The following AAMDC variants were observed in gnomAD, a reference collection of about 807,000 sequenced individuals.
The protein encoded by AAMDC is adipogenesis associated Mth938 domain containing.
A neutral mutation model predicts 15.5 loss-of-function variants in AAMDC; 16 were observed. The observed-to-expected ratio is 1.03, with a 90% CI of 0.70 to 1.57. The LOEUF (loss-of-function observed/expected upper bound fraction) is 1.57, where lower values mean the gene tolerates loss of function less well. AAMDC is among the 40% of genes most tolerant of loss of function. The probability of loss-of-function intolerance (pLI) is 0.00; values close to 1 mark genes in which losing one functional copy is unlikely to be tolerated. For missense variants in AAMDC, 141 were observed against 144.9 expected (o/e 0.97, Z 0.14); for synonymous variants, 51 against 51.6 (o/e 0.99, Z 0.05).
At chr11:77,898,337 T>C (rs1306090040) in intron 5 of AAMDC, among the ~76,000 whole-genome samples, 3 of 152,146 alleles carry the variant, frequency 2.0e-5, no homozygotes, top group Non-Finnish European at 2.9e-5. Flanking sequence ...TAATTTTTTG[T>C]ATTTTTAGTA....
downstream of AAMDC, among the ~76,000 whole-genome samples, chr11:77,875,159 G>C (rs1038897728): frequency 6.6e-6 from 1 of 152,156 alleles, no homozygotes; most frequent in East Asian, 1.9e-4. Flanking sequence ...TCAGAAACCT[G>C]AATCTTTTTT....
At chr11:77,821,581 G>A (rs1317567519) in intron 1 of AAMDC, among the ~76,000 whole-genome samples, 1 of 152,116 alleles carries the variant, frequency 6.6e-6, no homozygotes, top group Non-Finnish European at 1.5e-5. Context: ...ACCAGGCTCT[G>A]CTAGGGGGCC....
chr11:77,842,592 T>C lies in AAMDC; in HGVS notation c.96T>C (p.Gly32=), dbSNP rs585721. 628,046 of 1,613,210 alleles carry C rather than the reference T, an allele frequency of 0.39. 123,830 individuals carry two copies. Among genetic ancestry groups the C allele is most frequent in the African/African-American group, 0.53 (39,557 of 74,868 alleles). The change falls in exon 2 of 4, where the codon GGT becomes GGC. Residue 32 remains glycine, a synonymous_variant. Coordinates refer to ENST00000393427, the MANE Select transcript of AAMDC (RefSeq NM_024684.4). ...TYKDCKVWPG[G]SRTWDWRETG... ...AGGACTGCAAAGTATGGCCAGGGGGTAGTCGGACTTGGGATTGGAGAGAAA... is the reference window on the plus strand; with the variant it reads ...AGGACTGCAAAGTATGGCCAGGGGGCAGTCGGACTTGGGATTGGAGAGAAA...
chr11:77,836,678 C>T (rs1034019959), intron 1 of AAMDC, among the ~76,000 whole-genome samples: 3 of 152,196 alleles, frequency 2.0e-5, no homozygotes, highest in African/African-American at 7.2e-5. Context: ...TAAGAAGTTA[C>T]CCTGTGGCCG....
chr11:77,840,097 AACACAC>A (rs10547270), intron 1 of AAMDC, among the ~76,000 whole-genome samples: 3 of 150,434 alleles, frequency 2.0e-5, no homozygotes, highest in East Asian at 2.0e-4. Context: ...GGGGACAGTA[AACACAC>A]ACACACACAC....
At chr11:77,832,257 G>T (rs891904264) in intron 1 of AAMDC, among the ~76,000 whole-genome samples, 3 of 151,960 alleles carry the variant, frequency 2.0e-5, no homozygotes, top group Non-Finnish European at 4.4e-5. Context: ...TTCTGGCAGG[G>T]TTGATTCTCA....
In AAMDC at chr11:77,827,733, C is replaced by T. The variant is rs1949243358; in HGVS notation, c.-19+6492C>T. ...ACAAGACAAGGATGTTTGCTATATC[C>T]ACTTACATTTAATATTATACTGGAG... On this transcript the variant is annotated intron_variant, in intron 1 of 3. Transcript: ENST00000393427. Among the ~76,000 whole-genome samples the T allele has an allele frequency of 2.0e-5, 3 of 152,080 alleles. No individual in the cohort carries two copies. In the South Asian group the frequency reaches 6.2e-4, roughly 32 times the overall value.
chr11:77,832,625 C>T (rs3016154), intron 1 of AAMDC, among the ~76,000 whole-genome samples: 1 of 151,744 alleles, frequency 6.6e-6, no homozygotes, highest in Non-Finnish European at 1.5e-5. Context: ...CGCGCCTGGC[C>T]ATAGAGGAAC....
intron 2 of AAMDC, among the ~76,000 whole-genome samples, chr11:77,848,742 C>G (rs1268310654): frequency 6.6e-6 from 1 of 152,108 alleles, no homozygotes; most frequent in Non-Finnish European, 1.5e-5. Flanking sequence ...TGAAAGCAAA[C>G]AGTAAGCTCA....
At chr11:77,873,341 A>C (rs1239550788), downstream of AAMDC, among the ~76,000 whole-genome samples, 3 of 152,248 alleles carry the variant, frequency 2.0e-5, no homozygotes. Flanking sequence ...GTAAGGACTC[A>C]ATACATTAAA....
intron 2 of AAMDC, among the ~76,000 whole-genome samples, chr11:77,865,614 T>C (rs973121380): frequency 2.6e-5 from 4 of 152,228 alleles, no homozygotes; most frequent in African/African-American, 9.6e-5. Flanking sequence ...ATCAGCTATA[T>C]GCCCCAGAAA....
intron 2 of AAMDC, among the ~76,000 whole-genome samples, chr11:77,861,681 T>G (rs1226251852): frequency 6.6e-6 from 1 of 152,208 alleles, no homozygotes; most frequent in African/African-American, 2.4e-5. Flanking sequence ...AAAGTGTCCT[T>G]GTAGACCGCA....
At chr11:77,835,091 G>A (rs552506998) in intron 1 of AAMDC, among the ~76,000 whole-genome samples, 1 of 152,218 alleles carries the variant, frequency 6.6e-6, no homozygotes, top group South Asian at 2.1e-4. Context: ...TTTAAGCTGG[G>A]CACATTGCCT....
intron 2 of AAMDC, among the ~76,000 whole-genome samples, chr11:77,851,857 G>T (rs1286366204): frequency 6.6e-6 from 1 of 151,972 alleles, no homozygotes; most frequent in Non-Finnish European, 1.5e-5. Context: ...ACCATCTCAG[G>T]TATTTCTTTA....
chr11:77,838,886 G>A (rs1042110256), intron 1 of AAMDC, among the ~76,000 whole-genome samples: 29 of 152,092 alleles, frequency 1.9e-4, no homozygotes, highest in Non-Finnish European at 5.9e-5. Flanking sequence ...AAAGTGCTGG[G>A]ATTACAGGCG....
At chr11:77,829,190 A>G (rs550131627) in intron 1 of AAMDC, among the ~76,000 whole-genome samples, 128 of 125,312 alleles carry the variant, frequency 1.0e-3, no homozygotes, top group Non-Finnish European at 1.9e-3. Flanking sequence ...ATAGAGAGAG[A>G]GCTCTTTCTC....
chr11:77,868,988 G>T, intron 2 of AAMDC: 1 of 307,764 alleles, frequency 3.2e-6, no homozygotes, highest in Admixed American at 3.7e-5. Flanking sequence ...ACAGCACGTT[G>T]GGTAATACCG....
At chr11:77,832,951 ATGTGTG>A (rs146936151) in intron 1 of AAMDC, among the ~76,000 whole-genome samples, 951 of 68,390 alleles carry the variant, frequency 0.014, 78 homozygotes, top group African/African-American at 0.036. Flanking sequence ...GTATATATAT[ATGTGTG>A]TGTGTGTGTG....
chr11:77,823,808 C>T (rs1214581136), intron 1 of AAMDC, among the ~76,000 whole-genome samples: 1 of 151,604 alleles, frequency 6.6e-6, no homozygotes, highest in African/African-American at 2.4e-5. Context: ...ACCTTCAAAC[C>T]TAAAAGGAAG....
Sources: allele counts gnomAD v4.1 joint callset (sites outside exome capture counted in the v4.1 genomes callset), GRCh38; gene constraint gnomAD v4.1.1; transcripts MANE v1.5; gene names NCBI Gene and HGNC (gene_info 2026-07-23, HGNC 2026-07-21).